The following PIGN variants were observed in gnomAD, a reference collection of about 807,000 sequenced individuals.
PIGN encodes the protein phosphatidylinositol glycan anchor biosynthesis class N.
Under a neutral mutation model 125.4 loss-of-function variants are expected in PIGN, and 117 were observed. That is an observed-to-expected ratio of 0.93 (90% CI 0.80 to 1.09). PIGN has a LOEUF of 1.09. Ranked by LOEUF, PIGN falls within the 50% of genes least tolerant of loss-of-function variation. The pLI is 0.00. For synonymous variants in PIGN, 392 were observed against 377.8 expected (o/e 1.04, Z -0.44); for missense variants, 1,075 against 1,094.9 (o/e 0.98, Z 0.26).
chr18:62,173,275 A>G (rs373053166), intron 1 of PIGN, among the ~76,000 whole-genome samples: 2 of 152,346 alleles, frequency 1.3e-5, no homozygotes, highest in Non-Finnish European at 2.9e-5. Context: ...TTTTTGAGAC[A>G]GTAGCCTCAC....
intron 26 of PIGN, 68 bp downstream of exon 26, chr18:62,085,141 A>C (rs2033637366): frequency 2.3e-6 from 2 of 859,968 alleles, no homozygotes; most frequent in Middle Eastern, 6.5e-4. Context: ...TACAGAACAA[A>C]AGGTATAGAA....
chr18:62,045,968 T>C lies in PIGN; in HGVS notation c.2684A>G (p.Tyr895Cys), dbSNP rs1267350488. 1.2e-6 allele frequency: 2 copies of C among 1,612,574 alleles called. No homozygotes were observed. Among genetic ancestry groups the C allele is most frequent in the African/African-American group, 1.3e-5 (1 of 74,902 alleles). Reference protein sequence around the residue: ...WLDIGTSISHYVIVMSMTIFL... With the variant: ...WLDIGTSISHCVIVMSMTIFL... ...GATGGTCATGGACATGACAATCACATAGTGGCTGATGCTGCAAAAGGAGAA... is the reference window on the plus strand; with the variant it reads ...GATGGTCATGGACATGACAATCACACAGTGGCTGATGCTGCAAAAGGAGAA... Residue 895 changes from tyrosine to cysteine, a missense_variant, in exon 31 of 31, where the codon TAT (tyrosine) becomes TGT (cysteine). Physicochemically the swap from Tyr to Cys is radical, Grantham distance 194. Around this residue, in one of 3 missense-constraint regions of PIGN, gnomAD observed 915 missense variants for 908.7 expected, o/e 1.01. Transcript: ENST00000640252.
chr18:62,061,089 GACTGTA>G (rs2032094150), intron 30 of PIGN, among the ~76,000 whole-genome samples: 1 of 152,184 alleles, frequency 6.6e-6, no homozygotes, highest in African/African-American at 2.4e-5. Context: ...TGAATACACT[GACTGTA>G]GTGTATGCTT....
intron 23 of PIGN, among the ~76,000 whole-genome samples, chr18:62,091,333 A>G (rs117235469): frequency 0.011 from 1,706 of 152,302 alleles, 12 homozygotes; most frequent in Non-Finnish European, 0.018. Context: ...TTACAGTGTG[A>G]GATTCTGTCT....
At position 62,072,669 on chromosome 18, in the gene PIGN, A is replaced by G. The variant is rs2145717253; in HGVS notation, c.2672+4T>C. 5 of 1,603,704 alleles carry G rather than the reference A, an allele frequency of 3.1e-6. No individual in the cohort carries two copies. Among genetic ancestry groups the G allele is most frequent in the Non-Finnish European group, 4.3e-6 (5 of 1,173,388 alleles). Reference sequence around the variant, plus strand: ...TAAGCAATGCATGACCATATATACTATACCTTGTCCCAATATCAAGCCAGC... The same window carrying G: ...TAAGCAATGCATGACCATATATACTGTACCTTGTCCCAATATCAAGCCAGC... On this transcript the variant is annotated splice_donor_region_variant and intron_variant, in intron 30 of 30. Coordinates refer to ENST00000640252, the MANE Select transcript of PIGN (RefSeq NM_176787.5).
intron 2 of PIGN, chr18:62,162,636 A>G (rs1273367504): frequency 6.6e-6 from 1 of 152,206 alleles, no homozygotes; most frequent in Non-Finnish European, 1.5e-5. Context: ...CCAAGGGTCA[A>G]CTAAATATCA....
chr18:62,099,856 T>C (rs1243581279), intron 22 of PIGN, among the ~76,000 whole-genome samples: 3 of 152,050 alleles, frequency 2.0e-5, no homozygotes, highest in Admixed American at 6.6e-5. Context: ...CCTGAAACCA[T>C]AAAGTACTAG....
At chr18:62,049,447 T>C (rs1329467654) in intron 30 of PIGN, among the ~76,000 whole-genome samples, 1 of 151,796 alleles carries the variant, frequency 6.6e-6, no homozygotes, top group Non-Finnish European at 1.5e-5. Flanking sequence ...ATTTCTCTGA[T>C]GGCCAGTGAT....
chr18:62,154,769 C>A (rs768348559), intron 6 of PIGN, 118 bp from the exon 7 acceptor site: 1 of 640,956 alleles, frequency 1.6e-6, no homozygotes, highest in Non-Finnish European at 2.8e-6. Context: ...AAGCATTGTT[C>A]ATTATGATGG....
intron 23 of PIGN, among the ~76,000 whole-genome samples, chr18:62,023,285 T>C (rs2030075643): frequency 6.6e-6 from 1 of 152,216 alleles, no homozygotes; most frequent in African/African-American, 2.4e-5. Context: ...TCTGTCTCTG[T>C]GGATCTGCCA....
intron 23 of PIGN, among the ~76,000 whole-genome samples, chr18:62,094,158 A>C (rs2034082037): frequency 6.6e-6 from 1 of 152,174 alleles, no homozygotes. Flanking sequence ...TGTAAGTTAC[A>C]TGATTAACTA....
At chr18:62,032,370 C>T (rs951149023) in intron 23 of PIGN, among the ~76,000 whole-genome samples, 5 of 152,236 alleles carry the variant, frequency 3.3e-5, no homozygotes, top group African/African-American at 1.2e-4. Flanking sequence ...GAAAGCTCTT[C>T]ATCCTTCTGC....
rs905683702 is a variant in PIGN, at chr18:62,119,853, A to G, written c.1173-5214T>C. Among the ~76,000 whole-genome samples the G allele has an allele frequency of 3.3e-4, 50 of 151,978 alleles. No individual in the cohort carries two copies. The South Asian group carries it at 6.0e-3, about 18-fold the overall frequency. ...AGTGAGACTCTGTCTCAAAAAAAAA[A>G]AAGAAAGAAAGAAAGAAAAAGAAAA... On this transcript the variant is annotated intron_variant, in intron 14 of 30. Coordinates refer to ENST00000640252, the MANE Select transcript of PIGN (RefSeq NM_176787.5).
chr18:62,109,830 T>C lies in PIGN; in HGVS notation c.1574+4A>G. On this transcript the variant is annotated splice_donor_region_variant and intron_variant, in intron 17 of 30. Transcript: ENST00000640252. ...AAAACAAGGCAGCAAGATGCATTACTTACTCTCTTAGAACCGCATACCATA... is the reference window on the plus strand; with the variant it reads ...AAAACAAGGCAGCAAGATGCATTACCTACTCTCTTAGAACCGCATACCATA... The C allele has an allele frequency of 1.3e-6, 2 of 1,598,150 alleles. No homozygotes were observed. The highest frequency in any genetic ancestry group is 1.7e-6 in the Non-Finnish European group (2 of 1,171,184).
At chr18:62,157,063 T>C (rs1373614587) in intron 6 of PIGN, 66 bp downstream of exon 6, 4 of 663,260 alleles carry the variant, frequency 6.0e-6, no homozygotes, top group South Asian at 3.1e-5. Flanking sequence ...TACATAAAAA[T>C]AGAAAACTAC....
intron 30 of PIGN, among the ~76,000 whole-genome samples, chr18:62,058,302 A>T (rs1303181750): frequency 6.6e-6 from 1 of 152,252 alleles, no homozygotes; most frequent in East Asian, 1.9e-4. Flanking sequence ...TATTACATAT[A>T]GTTGACAATA....
chr18:62,161,470 G>A (rs1256342132), intron 3 of PIGN, 85 bp from the exon 4 acceptor site: 6 of 606,004 alleles, frequency 9.9e-6, no homozygotes, highest in Non-Finnish European at 1.7e-5. Context: ...ACAAGTAGAT[G>A]AAACATATAT....
chr18:62,124,152 T>C (rs935153187), intron 14 of PIGN, among the ~76,000 whole-genome samples: 15 of 152,130 alleles, frequency 9.9e-5, no homozygotes, highest in African/African-American at 3.1e-4. Context: ...GTCTATATAA[T>C]GAGCTGCCAT....
At chr18:62,138,214 A>AT in intron 14 of PIGN, 29 bp downstream of exon 14, 1 of 1,539,750 alleles carries the variant, frequency 6.5e-7, no homozygotes, top group Admixed American at 2.1e-5. Context: ...TCTTTCCTTC[A>AT]AGTTAATAAA....
Sources: gnomAD v4.1 joint callset for allele counts (sites outside exome capture counted in the v4.1 genomes callset) on GRCh38, gnomAD v4.1.1 for gene constraint, gnomAD v4.1.1 regional missense constraint, MANE v1.5 for transcripts, NCBI Gene and HGNC (gene_info 2026-07-23, HGNC 2026-07-21) for gene names.